TAFA2: variants seen among roughly 807,000 people sequenced by gnomAD.
The protein encoded by TAFA2 is TAFA chemokine like family member 2.
A neutral mutation model predicts 18.8 loss-of-function variants in TAFA2; 7 were observed. The ratio of observed to expected loss-of-function variants is 0.37; its 90% CI spans 0.21 to 0.70. The LOEUF is 0.70. Among genes scored for constraint, TAFA2 ranks in the 30% least tolerant of loss-of-function variants. The probability of loss-of-function intolerance (pLI) is 0.53; values close to 1 mark genes in which losing one functional copy is unlikely to be tolerated. For missense variants in TAFA2, 122 were observed against 158.1 expected, an observed-to-expected ratio of 0.77 and a Z score of 1.23; for synonymous variants, 60 against 54.2, an observed-to-expected ratio of 1.11 and a Z score of -0.47.
chr12:62,081,162 T>C (rs1868317500), intron 1 of TAFA2, among the ~76,000 whole-genome samples: 1 of 152,114 alleles, frequency 6.6e-6, no homozygotes, highest in African/African-American at 2.4e-5. Context: ...GCCACTGCAC[T>C]CCAGCCTGGG....
At chr12:61,996,562 G>A (rs541940424) in intron 1 of TAFA2, among the ~76,000 whole-genome samples, 11 of 152,240 alleles carry the variant, frequency 7.2e-5, no homozygotes, top group African/African-American at 2.6e-4. Flanking sequence ...CTGTGTCTCA[G>A]GTGTACAATT....
At position 62,217,962 on chromosome 12, in the gene TAFA2, GTATGTATTTATTTATTTATT is replaced by G. The variant is rs1321471094; in HGVS notation, c.-130+40781_-130+40800del. Among the ~76,000 whole-genome samples the G allele has an allele frequency of 3.9e-3, 509 of 131,710 alleles. 4 individuals are homozygous for G. The highest frequency in any genetic ancestry group is 0.015 in the African/African-American group (477 of 30,944). The allele number at this position is 131,710 out of a possible 152,430, so 86.4% of individuals were successfully genotyped here. A position where few individuals can be genotyped will look rare whatever the true frequency, so the allele number is the denominator to read the frequency against. The stretch of plus-strand genomic sequence containing the variant: ...GCTGATTGAATTTATCTATTTTTAT[GTATGTATTTATTTATTTATT>G]TATTTATTTATTTATTTATTTATTT... On this transcript the variant is annotated intron_variant, in intron 1 of 5. Coordinates refer to the TAFA2 transcript ENST00000551619.
chr12:61,758,184 T>C (rs1869366490), intron 2 of TAFA2, among the ~76,000 whole-genome samples: 1 of 151,950 alleles, frequency 6.6e-6, no homozygotes, highest in South Asian at 2.1e-4. Flanking sequence ...GTAAGTTTAG[T>C]AGAGAAGGAA....
intron 1 of TAFA2, among the ~76,000 whole-genome samples, chr12:62,098,582 G>A (rs1303605765): frequency 1.3e-5 from 2 of 152,094 alleles, no homozygotes; most frequent in African/African-American, 4.8e-5. Context: ...TCTTGCCTCT[G>A]TTCCTCCAGT....
At chr12:62,061,891 T>C (rs906724954) in intron 1 of TAFA2, among the ~76,000 whole-genome samples, 2 of 152,134 alleles carry the variant, frequency 1.3e-5, no homozygotes. Context: ...CTAGTAAGCA[T>C]GAGAGTACTG....
At chr12:61,876,975 G>A (rs1257512940) in intron 1 of TAFA2, among the ~76,000 whole-genome samples, 6 of 152,134 alleles carry the variant, frequency 3.9e-5, no homozygotes, top group Non-Finnish European at 7.4e-5. Context: ...CTCCTTATAT[G>A]TGTTTGATAG....
intron 4 of TAFA2, among the ~76,000 whole-genome samples, chr12:61,723,024 A>C (rs969173929): frequency 6.6e-6 from 1 of 152,082 alleles, no homozygotes; most frequent in Non-Finnish European, 1.5e-5. Flanking sequence ...TCCACAAAAC[A>C]TGCATGCACC....
At chr12:61,868,777 A>G (rs889889331) in intron 1 of TAFA2, among the ~76,000 whole-genome samples, 2 of 152,118 alleles carry the variant, frequency 1.3e-5, no homozygotes, top group Non-Finnish European at 2.9e-5. Flanking sequence ...ATTACTTCAA[A>G]TGTTTAGATG....
intron 1 of TAFA2, among the ~76,000 whole-genome samples, chr12:62,240,034 ATATAT>A (rs1329739438): frequency 6.6e-6 from 1 of 151,570 alleles, no homozygotes; most frequent in African/African-American, 2.4e-5. Flanking sequence ...TTCTAGTTAT[ATATAT>A]TATATAACAA....
At chr12:61,900,924 C>A (rs1876070436) in intron 1 of TAFA2, among the ~76,000 whole-genome samples, 1 of 152,086 alleles carries the variant, frequency 6.6e-6, no homozygotes. Context: ...TTCAAGTAAG[C>A]AGACAGTATT....
At chr12:61,880,210 C>T (rs114820159) in intron 1 of TAFA2, 13 of 493,976 alleles carry the variant, frequency 2.6e-5, no homozygotes, top group East Asian at 9.5e-5. Context: ...CCAGGAAGCA[C>T]GGGGATAACC....
At chr12:61,871,863 T>C (rs1874617470) in intron 1 of TAFA2, among the ~76,000 whole-genome samples, 1 of 152,020 alleles carries the variant, frequency 6.6e-6, no homozygotes, top group Non-Finnish European at 1.5e-5. Flanking sequence ...GAGGCCGAGG[T>C]GGGTGGATCA....
At chr12:61,978,115 C>T (rs1211220703) in intron 1 of TAFA2, among the ~76,000 whole-genome samples, 2 of 152,044 alleles carry the variant, frequency 1.3e-5, no homozygotes, top group Non-Finnish European at 2.9e-5. Flanking sequence ...AGTTACTCAG[C>T]TTCTCTGTGC....
At chr12:62,211,002 T>C (rs963382212) in intron 1 of TAFA2, among the ~76,000 whole-genome samples, 1 of 151,756 alleles carries the variant, frequency 6.6e-6, no homozygotes, top group Non-Finnish European at 1.5e-5. Context: ...AAAGGAAACC[T>C]ATAGAAGTCA....
intron 1 of TAFA2, among the ~76,000 whole-genome samples, chr12:62,049,717 G>A (rs536143788): frequency 2.0e-5 from 3 of 152,180 alleles, no homozygotes; most frequent in Non-Finnish European, 4.4e-5. Flanking sequence ...TACAAAAACC[G>A]AGTTTTCAGT....
rs111415399 is a variant in TAFA2 at position 61,940,244 on chromosome 12, G to A, written c.-1-72818C>T. Among the ~76,000 whole-genome samples the A allele has an allele frequency of 3.5e-4, 53 of 152,324 alleles. 1 individual carries two copies. Among genetic ancestry groups the A allele is most frequent in the African/African-American group, 1.3e-3 (52 of 41,580 alleles). On this transcript the variant is annotated intron_variant, in intron 1 of 4. Coordinates refer to ENST00000416284, the MANE Select transcript of TAFA2 (RefSeq NM_178539.5). ...ATAAGGTCCCAAGCCCAGACACCCAGTGCTTGGTTTAATGCCCTGCTATTG... is the reference window on the plus strand; with the variant it reads ...ATAAGGTCCCAAGCCCAGACACCCAATGCTTGGTTTAATGCCCTGCTATTG...
chr12:62,113,024 G>T (rs1259285730), intron 1 of TAFA2, among the ~76,000 whole-genome samples: 1 of 151,984 alleles, frequency 6.6e-6, no homozygotes, highest in Non-Finnish European at 1.5e-5. Context: ...TTCTTCCCTT[G>T]CTGGCAAGGA....
intron 1 of TAFA2, among the ~76,000 whole-genome samples, chr12:61,937,261 C>A (rs1877807605): frequency 6.6e-6 from 1 of 151,976 alleles, no homozygotes; most frequent in African/African-American, 2.4e-5. Flanking sequence ...AGTGCAATTC[C>A]TATCAAAATA....
At chr12:62,260,030 A>C, upstream of TAFA2, 1 of 236,974 alleles carries the variant, frequency 4.2e-6, no homozygotes, top group Non-Finnish European at 8.6e-6. Flanking sequence ...AGCGTGAGTG[A>C]ATGCGCAAAT....
Sources: allele counts gnomAD v4.1 joint callset (sites outside exome capture counted in the v4.1 genomes callset), GRCh38; gene constraint gnomAD v4.1.1; transcripts MANE v1.5; gene names NCBI Gene and HGNC (gene_info 2026-07-23, HGNC 2026-07-21).